NAALADL2: variants seen among roughly 807,000 people sequenced by gnomAD.
NAALADL2 encodes the protein inactive N-acetylated-alpha-linked acidic dipeptidase-like protein 2.
NAALADL2 carries 76 observed loss-of-function variants against 87.2 expected under a neutral mutation model. That is an observed-to-expected ratio of 0.87 (90% CI 0.72 to 1.05). The LOEUF (loss-of-function observed/expected upper bound fraction) is 1.05, where lower values mean the gene tolerates loss of function less well. Ranked by LOEUF, NAALADL2 falls within the 50% of genes least tolerant of loss-of-function variation. The pLI, the probability that NAALADL2 is intolerant of heterozygous loss-of-function variation, is 0.00. For missense variants in NAALADL2, 1,089 were observed against 945.8 expected (o/e 1.15, Z -1.99); for synonymous variants, 354 against 331.0 (o/e 1.07, Z -0.75).
intron 2 of NAALADL2, among the ~76,000 whole-genome samples, chr3:174,706,622 C>A (rs576130348): frequency 1.4e-4 from 22 of 152,306 alleles, no homozygotes; most frequent in Middle Eastern, 3.4e-3. Context: ...TTTTGCTGTG[C>A]AGAAGCTCTT....
intron 1 of NAALADL2, among the ~76,000 whole-genome samples, chr3:175,083,732 G>T (rs975100965): frequency 1.3e-5 from 2 of 152,000 alleles, no homozygotes; most frequent in African/African-American, 4.8e-5. Flanking sequence ...TGTAGATGAG[G>T]TATTACTATC....
chr3:175,701,079 C>T (rs1415150777), intron 11 of NAALADL2, among the ~76,000 whole-genome samples: 2 of 152,090 alleles, frequency 1.3e-5, no homozygotes, highest in African/African-American at 2.4e-5. Flanking sequence ...GAGACACTCC[C>T]CATCACTTGC....
chr3:175,627,188 A>C, intron 10 of NAALADL2, 103 bp from the exon 11 acceptor site: 1 of 853,598 alleles, frequency 1.2e-6, no homozygotes, highest in Non-Finnish European at 1.9e-6. Context: ...AGAAACCTTA[A>C]GGCAATTTAG....
In NAALADL2 at chr3:175,260,166, A is replaced by G. The variant is rs376916598; in HGVS notation, c.939+3636A>G. Among the ~76,000 whole-genome samples, 8 of 152,318 alleles carry G rather than the reference A, an allele frequency of 5.3e-5. 1 individual carries two copies. The highest frequency in any genetic ancestry group is 1.9e-4 in the African/African-American group (8 of 41,572). ...TAAAACCCTTTGACTATATTTACAA[A>G]GTAGTGAGTTAGTGGTTTATCTGGA... On this transcript the variant is annotated intron_variant, in intron 4 of 13. Transcript: ENST00000454872.
intron 1 of NAALADL2, among the ~76,000 whole-genome samples, chr3:174,980,764 G>GTATTATACT (rs1248754100): frequency 6.6e-6 from 1 of 151,912 alleles, no homozygotes; most frequent in Non-Finnish European, 1.5e-5. Context: ...ATTTTTCTGT[G>GTATTATACT]TATTATACTT....
rs1000687845 is a variant in NAALADL2, at chr3:175,619,069, G to T, written c.1801-8222G>T. Among the ~76,000 whole-genome samples the T allele has an allele frequency of 4.6e-5, 7 of 152,118 alleles. No individual in the cohort carries two copies. The East Asian group carries it at 5.8e-4, about 13-fold the overall frequency. ...TGGGACAAAAAGGCGCCTCTGGAGG[G>T]TGTATGGAGCCATTAAATTTGTGCC... On this transcript the variant is annotated intron_variant, in intron 10 of 13. Coordinates refer to ENST00000454872, the MANE Select transcript of NAALADL2 (RefSeq NM_207015.3).
chr3:174,747,596 T>C lies in NAALADL2; in HGVS notation c.-9+9850T>C, dbSNP rs185360953. On this transcript the variant is annotated intron_variant, in intron 3 of 3. Coordinates refer to the NAALADL2 transcript ENST00000434257. Reference sequence around the variant, plus strand: ...GAGATTGCACCATTGCACTCCAGCCTGGGTGACAGAGTAAGACCCCATCTC... The same window carrying C: ...GAGATTGCACCATTGCACTCCAGCCCGGGTGACAGAGTAAGACCCCATCTC... 2.6e-5 allele frequency among the ~76,000 whole-genome samples: 3 copies of C among 113,334 alleles called. No individual in the cohort carries two copies. The East Asian group carries it at 7.9e-4, about 30-fold the overall frequency. 74.4% of individuals were successfully genotyped at this position (113,334 alleles called of 152,430 possible).
chr3:175,322,284 T>C (rs1409087700), intron 4 of NAALADL2, among the ~76,000 whole-genome samples: 2 of 144,396 alleles, frequency 1.4e-5, no homozygotes, highest in East Asian at 4.1e-4. Context: ...TGGCTAGCCA[T>C]ATGTAGAAAG....
intron 1 of NAALADL2, among the ~76,000 whole-genome samples, chr3:174,451,477 TA>T (rs2108272923): frequency 6.6e-6 from 1 of 152,332 alleles, no homozygotes; most frequent in African/African-American, 2.4e-5. Flanking sequence ...GATATGTTTG[TA>T]TTATAATCTA....
intron 11 of NAALADL2, among the ~76,000 whole-genome samples, chr3:175,697,833 GTATT>G (rs200136955): frequency 1.5e-4 from 13 of 89,108 alleles, no homozygotes; most frequent in Non-Finnish European, 2.6e-4. Context: ...ATATATATGT[GTATT>G]TATGTATACA....
chr3:175,692,672 T>G (rs1316574985), intron 11 of NAALADL2, among the ~76,000 whole-genome samples: 1 of 152,202 alleles, frequency 6.6e-6, no homozygotes, highest in Non-Finnish European at 1.5e-5. Context: ...TTCATCCACT[T>G]CATGGCCACA....
At chr3:174,965,007 A>G (rs1294335286) in intron 1 of NAALADL2, among the ~76,000 whole-genome samples, 1 of 152,084 alleles carries the variant, frequency 6.6e-6, no homozygotes, top group East Asian at 1.9e-4. Context: ...TGGCTTAAAA[A>G]GAGCAAACAT....
intron 5 of NAALADL2, among the ~76,000 whole-genome samples, chr3:175,383,042 G>A (rs1393354138): frequency 2.0e-5 from 3 of 151,872 alleles, no homozygotes; most frequent in African/African-American, 4.8e-5. Context: ...TTCTTTTTAA[G>A]TTTTTAATTA....
At chr3:175,772,683 G>A (rs1236702773) in intron 13 of NAALADL2, among the ~76,000 whole-genome samples, 1 of 152,144 alleles carries the variant, frequency 6.6e-6, no homozygotes, top group Non-Finnish European at 1.5e-5. Context: ...ATCAGTTATA[G>A]CTAAGCAGTG....
intron 3 of NAALADL2, among the ~76,000 whole-genome samples, chr3:174,809,235 A>T (rs1280681643): frequency 1.3e-5 from 2 of 152,214 alleles, no homozygotes; most frequent in African/African-American, 4.8e-5. Flanking sequence ...GGGGATATAT[A>T]CGCAGGCTCC....
intron 1 of NAALADL2, among the ~76,000 whole-genome samples, chr3:174,888,744 T>C (rs1295569246): frequency 3.3e-5 from 5 of 152,350 alleles, no homozygotes; most frequent in African/African-American, 7.2e-5. Flanking sequence ...TGTAATTATA[T>C]GGTTTGTTTT....
At chr3:175,160,942 A>C (rs191432251) in intron 2 of NAALADL2, among the ~76,000 whole-genome samples, 2 of 152,264 alleles carry the variant, frequency 1.3e-5, no homozygotes, top group Admixed American at 1.3e-4. Context: ...TTGTATATTT[A>C]AGAAAATGAT....
rs1056574805 is a variant in NAALADL2 at position 175,626,962 on chromosome 3, T to G, written c.1801-329T>G. Among the ~76,000 whole-genome samples, 6 of 151,898 alleles carry G rather than the reference T, an allele frequency of 4.0e-5. No individual in the cohort carries two copies. The South Asian group carries it at 1.2e-3, about 31-fold the overall frequency. On this transcript the variant is annotated intron_variant, in intron 10 of 13. Coordinates refer to ENST00000454872, the MANE Select transcript of NAALADL2 (RefSeq NM_207015.3). ...GTCACACACCATCTAGATGATTAGATGATTTTTTGAATGTCCCACAAACAT... is the reference window on the plus strand; with the variant it reads ...GTCACACACCATCTAGATGATTAGAGGATTTTTTGAATGTCCCACAAACAT...
At chr3:174,539,038 C>A (rs1560040858) in intron 1 of NAALADL2, among the ~76,000 whole-genome samples, 1 of 152,100 alleles carries the variant, frequency 6.6e-6, no homozygotes, top group Non-Finnish European at 1.5e-5. Flanking sequence ...TCTTAGATAC[C>A]TTTTTGTTTG....
Sources: allele counts gnomAD v4.1 joint callset (sites outside exome capture counted in the v4.1 genomes callset), GRCh38; gene constraint gnomAD v4.1.1; transcripts MANE v1.5; gene names NCBI Gene and HGNC (gene_info 2026-07-23, HGNC 2026-07-21).